The following SEM1 variants were observed in gnomAD, a reference collection of about 807,000 sequenced individuals.
SEM1 encodes 26S proteasome complex subunit SEM1.
In SEM1, 3 loss-of-function variants were observed where a neutral mutation model predicts 12.7. The observed-to-expected ratio is 0.24, with a 90% CI of 0.11 to 0.61. SEM1 has a LOEUF of 0.61. SEM1 is among the 20% of genes least tolerant of loss of function. SEM1 has a pLI of 0.88. For synonymous variants in SEM1, 30 were observed against 27.8 expected (o/e 1.08, Z -0.25); for missense variants, 59 against 81.3 (o/e 0.73, Z 1.06).
intron 2 of SEM1, among the ~76,000 whole-genome samples, chr7:96,551,492 G>T (rs1488804863): frequency 6.6e-6 from 1 of 152,010 alleles, no homozygotes; most frequent in African/African-American, 2.4e-5. Context: ...TTGAGGTCAG[G>T]AGTTCAAGAC....
chr7:96,499,585 T>G (rs1357155651), upstream of SEM1, among the ~76,000 whole-genome samples: 7 of 152,146 alleles, frequency 4.6e-5, no homozygotes, highest in Non-Finnish European at 1.0e-4. Flanking sequence ...CATTCTAAGT[T>G]AAAGATGGAA....
intron 2 of SEM1, among the ~76,000 whole-genome samples, chr7:96,585,499 T>C (rs1278303996): frequency 6.6e-6 from 1 of 152,224 alleles, no homozygotes; most frequent in Non-Finnish European, 1.5e-5. Context: ...CTCCACCCAG[T>C]TGGAACTTGC....
chr7:96,685,783 T>TAAA (rs529595521), downstream of SEM1, among the ~76,000 whole-genome samples: 161 of 118,348 alleles, frequency 1.4e-3, no homozygotes, highest in African/African-American at 4.6e-3. Context: ...CATGGCTCAG[T>TAAA]AAAAAAAAAA....
At chr7:96,624,885 C>G (rs926522873) in intron 2 of SEM1, among the ~76,000 whole-genome samples, 9 of 152,128 alleles carry the variant, frequency 5.9e-5, no homozygotes, top group African/African-American at 2.2e-4. Context: ...AGACTTTTAG[C>G]CAATCTTCTA....
At chr7:96,655,237 G>A (rs563913849) in intron 2 of SEM1, among the ~76,000 whole-genome samples, 161 of 152,304 alleles carry the variant, frequency 1.1e-3, no homozygotes, top group African/African-American at 3.8e-3. Flanking sequence ...GGGCCAGGTA[G>A]TGAAGGAAGC....
At chr7:96,633,596 T>C (rs1159869317) in intron 2 of SEM1, among the ~76,000 whole-genome samples, 1 of 152,158 alleles carries the variant, frequency 6.6e-6, no homozygotes, top group African/African-American at 2.4e-5. Flanking sequence ...TTATATATTA[T>C]GCAACCAGAA....
intron 2 of SEM1, among the ~76,000 whole-genome samples, chr7:96,594,235 G>T (rs1806925247): frequency 6.6e-6 from 1 of 152,130 alleles, no homozygotes; most frequent in Admixed American, 6.6e-5. Context: ...GCCATTAGAA[G>T]TAGAGTGTAA....
Position 96,495,679 on chromosome 7 carries a change from G to A in SEM1, c.12+605C>T, listed in dbSNP as rs1466220977. Among the ~76,000 whole-genome samples, 5 of 152,132 alleles carry A rather than the reference G, an allele frequency of 3.3e-5. No homozygotes were observed. In the South Asian group the frequency reaches 6.2e-4, roughly 19 times the overall value. ...ATTTCATGGATGTTTTCCAGTTTCC[G>A]CGATCTTCCTTTCCCCTCTTCCAAA... is the stretch of plus-strand genomic sequence containing the variant. On this transcript the variant is annotated intron_variant, in intron 1 of 3. Transcript: ENST00000356686.
intron 2 of SEM1, among the ~76,000 whole-genome samples, chr7:96,536,162 C>T (rs898865984): frequency 6.6e-6 from 1 of 151,708 alleles, no homozygotes; most frequent in African/African-American, 2.4e-5. Context: ...TTTAAAATTC[C>T]TCTTGAGACT....
intron 2 of SEM1, among the ~76,000 whole-genome samples, chr7:96,691,267 C>T (rs571482475): frequency 9.8e-4 from 149 of 152,212 alleles, no homozygotes; most frequent in African/African-American, 3.5e-3. Flanking sequence ...AAGAGAAAGA[C>T]GAATGTGGAA....
downstream of SEM1, among the ~76,000 whole-genome samples, chr7:96,686,881 C>A (rs1162626685): frequency 1.3e-5 from 2 of 152,042 alleles, no homozygotes; most frequent in Non-Finnish European, 2.9e-5. Flanking sequence ...ATTTTTGCAA[C>A]CTACTCATCT....
intron 2 of SEM1, among the ~76,000 whole-genome samples, chr7:96,691,759 T>C (rs1045669823): frequency 6.6e-6 from 1 of 152,224 alleles, no homozygotes; most frequent in Admixed American, 6.5e-5. Flanking sequence ...TTTAATTGAA[T>C]AAAACAAAAA....
At chr7:96,516,579 A>C (rs1380471474) in intron 2 of SEM1, among the ~76,000 whole-genome samples, 5 of 152,172 alleles carry the variant, frequency 3.3e-5, no homozygotes, top group Admixed American at 3.3e-4. Context: ...AACACTGACA[A>C]CATCAGATGC....
At position 96,709,835 on chromosome 7, in the gene SEM1, G is replaced by A. The variant is rs1269949574; in HGVS notation, c.-72C>T. The A allele has an allele frequency of 2.1e-6, 3 of 1,436,728 alleles. No homozygotes were observed. Among genetic ancestry groups the A allele is most frequent in the East Asian group, 2.3e-5 (1 of 43,688 alleles). The allele number at this position is 1,436,728 out of a possible 1,614,324, so 89.0% of individuals were successfully genotyped here. ...AACCCTCACTCTTCCTCAAGGAAACGCCACCGTCACTACCGCCTCCGACGC... is the reference window on the plus strand; with the variant it reads ...AACCCTCACTCTTCCTCAAGGAAACACCACCGTCACTACCGCCTCCGACGC... On this transcript the variant is annotated 5_prime_UTR_variant, in exon 1 of 3. Transcript: ENST00000248566.
At chr7:96,692,348 G>A (rs1789954129) in intron 2 of SEM1, among the ~76,000 whole-genome samples, 1 of 152,120 alleles carries the variant, frequency 6.6e-6, no homozygotes, top group South Asian at 2.1e-4. Flanking sequence ...AAGAAAACTT[G>A]TTTAGCCTCA....
chr7:96,704,531 T>A (rs1335987022), intron 1 of SEM1, among the ~76,000 whole-genome samples: 1 of 152,192 alleles, frequency 6.6e-6, no homozygotes, highest in Non-Finnish European at 1.5e-5. Flanking sequence ...GCTTATTCTA[T>A]CCTGGGGTTC....
upstream of SEM1, among the ~76,000 whole-genome samples, chr7:96,500,299 G>GTC (rs1481951093): frequency 6.6e-6 from 1 of 151,830 alleles, no homozygotes; most frequent in Non-Finnish European, 1.5e-5. Context: ...GAAGGCAGGT[G>GTC]GCTCTCTGGG....
intron 2 of SEM1, among the ~76,000 whole-genome samples, chr7:96,667,420 C>T (rs759886086): frequency 8.5e-5 from 13 of 152,126 alleles, no homozygotes; most frequent in Non-Finnish European, 1.5e-4. Context: ...GTAATTTTTC[C>T]TTCCTTCCAT....
chr7:96,587,653 G>GT (rs35341659), intron 2 of SEM1, among the ~76,000 whole-genome samples: 53,478 of 134,142 alleles, frequency 0.4, 10,501 homozygotes, highest in East Asian at 0.66. Flanking sequence ...AGACTTTCTT[G>GT]TTTTTTTTTT....
Sources: allele counts gnomAD v4.1 joint callset (sites outside exome capture counted in the v4.1 genomes callset), GRCh38; gene constraint gnomAD v4.1.1; transcripts MANE v1.5; gene names NCBI Gene and HGNC (gene_info 2026-07-23, HGNC 2026-07-21).